The following CUBN variants were observed in gnomAD, a reference collection of about 807,000 sequenced individuals.
The protein encoded by CUBN is cubilin.
In CUBN, 282 loss-of-function variants were observed where a neutral mutation model predicts 405.3. The ratio of observed to expected loss-of-function variants is 0.70; its 90% confidence interval spans 0.63 to 0.77. CUBN has a LOEUF of 0.77. Among genes scored for constraint, CUBN ranks in the 30% least tolerant of loss-of-function variants. The pLI is 0.00. For synonymous variants in CUBN, 1,684 were observed against 1,617.0 expected (o/e 1.04, Z -0.99); for missense variants, 4,514 against 4,475.2 (o/e 1.01, Z -0.25).
intron 54 of CUBN, among the ~76,000 whole-genome samples, chr10:16,890,798 C>A (rs1840982813): frequency 6.6e-6 from 1 of 152,102 alleles, no homozygotes; most frequent in Non-Finnish European, 1.5e-5. Flanking sequence ...CTTCCTGGAT[C>A]ACTGTTCGGT....
chr10:17,005,136 T>C (rs940801403), intron 28 of CUBN, among the ~76,000 whole-genome samples: 4 of 152,174 alleles, frequency 2.6e-5, no homozygotes, highest in African/African-American at 9.7e-5. Context: ...AATCCATTGG[T>C]GGTCTTTCCC....
At chr10:17,059,783 C>T (rs567622161) in intron 22 of CUBN, among the ~76,000 whole-genome samples, 27 of 152,166 alleles carry the variant, frequency 1.8e-4, no homozygotes, top group Non-Finnish European at 3.4e-4. Flanking sequence ...TTTCTTTTCC[C>T]TCTCAGATGA....
intron 17 of CUBN, among the ~76,000 whole-genome samples, chr10:17,081,000 A>C (rs1835953247): frequency 6.6e-6 from 1 of 152,210 alleles, no homozygotes; most frequent in African/African-American, 2.4e-5. Context: ...AACTTCACTT[A>C]AGAGAGATAT....
intron 57 of CUBN, among the ~76,000 whole-genome samples, chr10:16,876,222 A>C (rs1291141344): frequency 1.3e-5 from 2 of 152,212 alleles, no homozygotes; most frequent in Non-Finnish European, 2.9e-5. Flanking sequence ...ACTGCAGCTG[A>C]GATGTCTATT....
Position 16,950,076 on chromosome 10 carries a change from G to T in CUBN, c.5005C>A (p.Leu1669Ile), listed in dbSNP as rs112671925. ...HITLSFTHFE[L>I]ERSTTCARDF... ...CGTGCACACGTTGTGCTTCTTTCAA[G>T]TTCAAAGTGGGTAAAAGAGAGGGTG... The change falls in exon 34 of 67, where the codon CTT becomes ATT. Residue 1669 changes from leucine (L) to isoleucine (I), a missense_variant. Leu to Ile is a conservative substitution (Grantham distance 5, BLOSUM62 2). Transcript: ENST00000377833. 20 of 1,613,922 alleles carry T rather than the reference G, an allele frequency of 1.2e-5. 1 individual carries two copies. Among genetic ancestry groups the T allele is most frequent in the Middle Eastern group, 1.7e-4 (1 of 6,058 alleles).
chr10:16,991,823 G>A lies in CUBN; in HGVS notation c.4169-1308C>T, dbSNP rs187917049. Among the ~76,000 whole-genome samples, 345 of 152,254 alleles carry A rather than the reference G, an allele frequency of 2.3e-3. 3 individuals are homozygous for A. Among genetic ancestry groups the A allele is most frequent in the African/African-American group, 7.6e-3 (316 of 41,554 alleles). ...GTAAACTAGTTCAACCATTGTGGAAGTCAGTGTGGCAATTCCTCAGGGATC... is the reference window on the plus strand; with the variant it reads ...GTAAACTAGTTCAACCATTGTGGAAATCAGTGTGGCAATTCCTCAGGGATC... On this transcript the variant is annotated intron_variant, in intron 28 of 66. Coordinates refer to ENST00000377833, the MANE Select transcript of CUBN (RefSeq NM_001081.4).
rs1416062136 is a variant in CUBN at position 16,915,082 on chromosome 10, C to A, written c.7301G>T (p.Gly2434Val). 6 of 1,614,000 alleles carry A rather than the reference C, an allele frequency of 3.7e-6. No homozygotes were observed. The highest frequency in any genetic ancestry group is 3.3e-5 in the Admixed American group (2 of 60,016). The change falls in exon 47 of 67, where the codon GGC (glycine) becomes GTC (valine). Residue 2434 changes from glycine (G) to valine (V), a missense_variant. Transcript: ENST00000377833. ...NTAVVRFVTD[G>V]SVTASGFRLR... ...TCTGAATCCTGAGGCAGTCACAGAG[C>A]CGTCTGTGACAAACCTGACCACAGC... is the stretch of plus-strand genomic sequence containing the variant.
At position 16,937,797 on chromosome 10, in the gene CUBN, A is replaced by T; in HGVS notation, c.5734-13T>A. On this transcript the variant is annotated splice_polypyrimidine_tract_variant and intron_variant, in intron 38 of 66. Transcript: ENST00000377833. Reference sequence around the variant, plus strand: ...GCCCATCATAGATCTGTACATAAAAACAGATAATAGAGCATTGTATTATCT... The same window carrying T: ...GCCCATCATAGATCTGTACATAAAATCAGATAATAGAGCATTGTATTATCT... 6.2e-7 allele frequency: 1 copy of T among 1,612,104 alleles called. No individual in the cohort carries two copies. Among genetic ancestry groups the T allele is most frequent in the Non-Finnish European group, 8.5e-7 (1 of 1,178,310 alleles).
intron 27 of CUBN, among the ~76,000 whole-genome samples, chr10:17,028,400 A>C (rs1044017196): frequency 6.6e-6 from 1 of 152,060 alleles, no homozygotes; most frequent in Non-Finnish European, 1.5e-5. Context: ...CCCTGAAGAC[A>C]GTGAGATCAG....
intron 40 of CUBN, among the ~76,000 whole-genome samples, chr10:16,929,381 T>C (rs1412297042): frequency 6.6e-6 from 1 of 152,224 alleles, no homozygotes; most frequent in Non-Finnish European, 1.5e-5. Context: ...GCTGGGAAAA[T>C]ATGTTGTTTT....
At chr10:17,113,807 C>A (rs1467085880) in intron 8 of CUBN, among the ~76,000 whole-genome samples, 3 of 152,190 alleles carry the variant, frequency 2.0e-5, no homozygotes, top group Admixed American at 6.5e-5. Flanking sequence ...TATGGCTAAC[C>A]TTGCCCCAAA....
chr10:16,844,807 A>G (rs780827), intron 60 of CUBN, among the ~76,000 whole-genome samples: 94,838 of 152,024 alleles, frequency 0.62, 31,808 homozygotes, highest in Non-Finnish European at 0.74. Flanking sequence ...TTGCCCTACA[A>G]TGCGTTGCAG....
intron 39 of CUBN, among the ~76,000 whole-genome samples, chr10:16,935,985 A>T (rs1842492677): frequency 6.6e-6 from 1 of 152,140 alleles, no homozygotes; most frequent in East Asian, 1.9e-4. Flanking sequence ...TTTTAATGAC[A>T]CTTTCACAGT....
chr10:16,893,788 T>A (rs1241727465), intron 54 of CUBN, among the ~76,000 whole-genome samples: 1 of 152,194 alleles, frequency 6.6e-6, no homozygotes, highest in Non-Finnish European at 1.5e-5. Context: ...TTAGTGCTGG[T>A]TTCAGCTATT....
At chr10:16,977,074 C>T (rs1034405528) in intron 31 of CUBN, among the ~76,000 whole-genome samples, 1 of 152,150 alleles carries the variant, frequency 6.6e-6, no homozygotes, top group Non-Finnish European at 1.5e-5. Context: ...TCTATTGTCT[C>T]TTACTCATAT....
rs527817365 is a variant in CUBN at position 16,960,220 on chromosome 10, A to C, written c.4696-5672T>G. Among the ~76,000 whole-genome samples, 127 of 152,300 alleles carry C rather than the reference A, an allele frequency of 8.3e-4. 1 individual carries two copies. The highest frequency in any genetic ancestry group is 3.0e-3 in the African/African-American group (124 of 41,574). On this transcript the variant is annotated intron_variant, in intron 31 of 66. Coordinates refer to ENST00000377833, the MANE Select transcript of CUBN (RefSeq NM_001081.4). Reference sequence around the variant, plus strand: ...TCAAAATACATATGAGGCCGGGTGCAGTGGCTCACGCCTGTAATCCCAGCA... The same window carrying C: ...TCAAAATACATATGAGGCCGGGTGCCGTGGCTCACGCCTGTAATCCCAGCA...
chr10:16,907,893 A>G (rs1841600726), intron 48 of CUBN, among the ~76,000 whole-genome samples: 1 of 152,176 alleles, frequency 6.6e-6, no homozygotes, highest in South Asian at 2.1e-4. Context: ...GAATGAAAGT[A>G]TTGCAGTAAT....
chr10:17,001,269 C>A (rs941241862), intron 28 of CUBN, among the ~76,000 whole-genome samples: 2 of 152,214 alleles, frequency 1.3e-5, no homozygotes, highest in Non-Finnish European at 1.5e-5. Context: ...AAGAACAAAG[C>A]TTCCACAGCG....
At chr10:16,845,820 G>A (rs901598726) in intron 60 of CUBN, among the ~76,000 whole-genome samples, 1 of 152,210 alleles carries the variant, frequency 6.6e-6, no homozygotes, top group African/African-American at 2.4e-5. Context: ...GACACAGACT[G>A]AATGGTTAAG....
Sources: gnomAD v4.1 joint callset for allele counts (sites outside exome capture counted in the v4.1 genomes callset) on GRCh38, gnomAD v4.1.1 for gene constraint, MANE v1.5 for transcripts, NCBI Gene and HGNC (gene_info 2026-07-23, HGNC 2026-07-21) for gene names.